NETO1: variants seen among roughly 807,000 people sequenced by gnomAD.
The protein encoded by NETO1 is neuropilin and tolloid-like protein 1.
A neutral mutation model predicts 61.3 loss-of-function variants in NETO1; 26 were observed. That is an observed-to-expected ratio of 0.42 (90% confidence interval 0.31 to 0.59). NETO1 has a LOEUF of 0.59. Among genes scored for constraint, NETO1 ranks in the 20% least tolerant of loss-of-function variants. The pLI, the probability that NETO1 is intolerant of heterozygous loss-of-function variation, is 0.12. For synonymous variants in NETO1, 225 were observed against 225.8 expected, an observed-to-expected ratio of 1.00 and a Z score of 0.03; for missense variants, 531 against 662.8, an observed-to-expected ratio of 0.80 and a Z score of 2.18.
chr18:72,773,530 A>C (rs572228979), intron 7 of NETO1, among the ~76,000 whole-genome samples: 2 of 152,238 alleles, frequency 1.3e-5, no homozygotes, highest in East Asian at 3.9e-4. Flanking sequence ...AATTGTAATA[A>C]TCCCCAGGTG....
intron 6 of NETO1, 143 bp downstream of exon 6, chr18:72,793,974 A>G: frequency 1.0e-6 from 1 of 978,872 alleles, no homozygotes; most frequent in Non-Finnish European, 1.6e-6. Flanking sequence ...GACAAGTTAC[A>G]TCTCAAAAAC....
chr18:72,843,187 A>T lies in NETO1; in HGVS notation c.469+15639T>A, dbSNP rs540110527. Among the ~76,000 whole-genome samples, 11 of 152,322 alleles carry T rather than the reference A, an allele frequency of 7.2e-5. No individual in the cohort carries two copies. The East Asian group carries it at 7.7e-4, about 11-fold the overall frequency. ...TTTCCAAAATATTTTACCCGTTCTT[A>T]TGCCGATCACTTAAATTGTAGTCAA... is the stretch of plus-strand genomic sequence containing the variant. On this transcript the variant is annotated intron_variant, in intron 4 of 10. Transcript: ENST00000327305.
intron 4 of NETO1, among the ~76,000 whole-genome samples, chr18:72,813,065 C>T (rs895163691): frequency 6.6e-6 from 1 of 152,156 alleles, no homozygotes; most frequent in African/African-American, 2.4e-5. Context: ...CAGGGAGATT[C>T]ACCACCACTT....
chr18:72,771,933 G>C lies in NETO1; in HGVS notation c.868+11745C>G, dbSNP rs539940370. On this transcript the variant is annotated intron_variant, in intron 7 of 10. Coordinates refer to ENST00000327305, the MANE Select transcript of NETO1 (RefSeq NM_138966.5). ...TTCTGTATGTCAGAAGTCCAGGCAGGGCTCAATTGGGTTCTTTCCTTTGGG... is the reference window on the plus strand; with the variant it reads ...TTCTGTATGTCAGAAGTCCAGGCAGCGCTCAATTGGGTTCTTTCCTTTGGG... Among the ~76,000 whole-genome samples the C allele has an allele frequency of 2.6e-5, 4 of 152,178 alleles. No homozygotes were observed. The East Asian group carries it at 7.7e-4, about 29-fold the overall frequency.
chr18:72,781,097 T>C (rs1406106348), intron 7 of NETO1, among the ~76,000 whole-genome samples: 1 of 152,208 alleles, frequency 6.6e-6, no homozygotes, highest in African/African-American at 2.4e-5. Flanking sequence ...TCTATGTTAT[T>C]GATTTTTGAA....
intron 3 of NETO1, among the ~76,000 whole-genome samples, chr18:72,863,156 G>A (rs28454649): frequency 0.013 from 1,942 of 152,276 alleles, 31 homozygotes; most frequent in African/African-American, 0.042. Flanking sequence ...GGGCACAGAA[G>A]GAATACCAGG....
chr18:72,751,078 A>ACACACAC (rs2070600196), intron 8 of NETO1, among the ~76,000 whole-genome samples: 1 of 45,292 alleles, frequency 2.2e-5, no homozygotes, highest in East Asian at 4.7e-4. Flanking sequence ...CACACACACA[A>ACACACAC]TCTATCTATA....
chr18:72,840,188 A>C (rs970674351), intron 4 of NETO1, among the ~76,000 whole-genome samples: 2 of 152,226 alleles, frequency 1.3e-5, no homozygotes, highest in African/African-American at 4.8e-5. Flanking sequence ...GTTGACAGGG[A>C]CATTCTCCAG....
intron 9 of NETO1, 94 bp from the exon 10 acceptor site, chr18:72,749,182 A>C (rs976331057): frequency 6.8e-5 from 54 of 797,468 alleles, no homozygotes; most frequent in South Asian, 3.6e-4. Context: ...TAAAATTCAG[A>C]AAACTGTGGA....
chr18:72,770,287 A>ATG (rs2071311638), intron 7 of NETO1, among the ~76,000 whole-genome samples: 2 of 152,052 alleles, frequency 1.3e-5, no homozygotes, highest in Admixed American at 1.3e-4. Context: ...AGATACAAAT[A>ATG]TGTACCTGTT....
intron 7 of NETO1, among the ~76,000 whole-genome samples, chr18:72,772,759 C>CTATATATATATATATATATATCTATATA (rs35617731): frequency 9.8e-6 from 1 of 102,320 alleles, no homozygotes; most frequent in Non-Finnish European, 1.9e-5. Flanking sequence ...CTATATATAT[C>CTATATATATATATATATATATCTATATA]TATATATATA....
chr18:72,743,072 T>G (rs200416503), downstream of NETO1, among the ~76,000 whole-genome samples: 13 of 152,344 alleles, frequency 8.5e-5, no homozygotes, highest in East Asian at 2.5e-3. Context: ...AGGCTTCTAC[T>G]GAAAGTAGAA....
intron 6 of NETO1, among the ~76,000 whole-genome samples, chr18:72,785,436 A>G (rs2071880514): frequency 6.6e-6 from 1 of 152,222 alleles, no homozygotes; most frequent in Non-Finnish European, 1.5e-5. Flanking sequence ...CAGCCTGGAT[A>G]GTTGCAAAGT....
chr18:72,854,323 T>C (rs2074349621), intron 4 of NETO1, among the ~76,000 whole-genome samples: 1 of 152,262 alleles, frequency 6.6e-6, no homozygotes, highest in Non-Finnish European at 1.5e-5. Context: ...CTTTGAGGTC[T>C]ATTCCTTAAT....
At chr18:72,865,523 G>C (rs1410481729) in intron 1 of NETO1, 12 of 1,586,478 alleles carry the variant, frequency 7.6e-6, no homozygotes, top group Non-Finnish European at 9.5e-6. Context: ...ATTTACTCAT[G>C]TCACACACAG....
At chr18:72,813,804 A>ATC (rs1346529386) in intron 4 of NETO1, among the ~76,000 whole-genome samples, 7 of 152,152 alleles carry the variant, frequency 4.6e-5, no homozygotes, top group African/African-American at 1.7e-4. Context: ...TGAGACACTA[A>ATC]TCTTATCAGG....
chr18:72,832,448 A>T (rs1036473332), intron 4 of NETO1, among the ~76,000 whole-genome samples: 1 of 152,208 alleles, frequency 6.6e-6, no homozygotes, highest in African/African-American at 2.4e-5. Context: ...TTATTTACCT[A>T]CATTTATCTC....
chr18:72,762,363 A>G (rs2071005906), intron 7 of NETO1, among the ~76,000 whole-genome samples: 1 of 152,170 alleles, frequency 6.6e-6, no homozygotes, highest in Admixed American at 6.5e-5. Flanking sequence ...GAAAACTCAC[A>G]TACCAATGCA....
intron 6 of NETO1, among the ~76,000 whole-genome samples, chr18:72,784,651 T>C (rs1320377723): frequency 6.6e-6 from 1 of 152,224 alleles, no homozygotes; most frequent in Non-Finnish European, 1.5e-5. Flanking sequence ...AAATTAGACA[T>C]GAGCATCCTC....
Sources: allele counts gnomAD v4.1 joint callset (sites outside exome capture counted in the v4.1 genomes callset), GRCh38; gene constraint gnomAD v4.1.1; transcripts MANE v1.5; gene names NCBI Gene and HGNC (gene_info 2026-07-23, HGNC 2026-07-21).